The following ATF6 variants were observed in gnomAD, a reference collection of about 807,000 sequenced individuals.
ATF6 encodes the protein cyclic AMP-dependent transcription factor ATF-6 alpha.
A neutral mutation model predicts 83.6 loss-of-function variants in ATF6; 53 were observed. The ratio of observed to expected loss-of-function variants is 0.63; its 90% CI spans 0.51 to 0.80. ATF6 has a LOEUF of 0.80. Ranked by LOEUF, ATF6 falls within the 30% of genes least tolerant of loss-of-function variation. The pLI is 0.00. For missense variants in ATF6, 744 were observed against 797.9 expected (o/e 0.93, Z 0.81); for synonymous variants, 288 against 285.8 (o/e 1.01, Z -0.08).
intron 12 of ATF6, among the ~76,000 whole-genome samples, chr1:161,857,752 T>C (rs962621329): frequency 6.6e-6 from 1 of 152,060 alleles, no homozygotes; most frequent in Non-Finnish European, 1.5e-5. Context: ...GCAATAATAA[T>C]GGCAATTTAT....
chr1:161,925,655 C>T (rs975669659), intron 15 of ATF6, among the ~76,000 whole-genome samples: 2 of 152,126 alleles, frequency 1.3e-5, no homozygotes, highest in African/African-American at 4.8e-5. Flanking sequence ...CTTATTTATT[C>T]AATATTCTTT....
intron 1 of ATF6, among the ~76,000 whole-genome samples, chr1:161,771,485 C>A (rs1207578971): frequency 6.6e-6 from 1 of 152,310 alleles, no homozygotes; most frequent in South Asian, 2.1e-4. Flanking sequence ...GGATAGGTGT[C>A]TCCATTGTCC....
In ATF6 at chr1:161,963,076, A is replaced by C. The variant is rs548572215; in HGVS notation, c.*4422A>C. The C allele has an allele frequency of 6.6e-6, 1 of 152,328 alleles. No homozygotes were observed. The highest frequency in any genetic ancestry group is 2.1e-4 in the South Asian group (1 of 4,824). 9.4% of individuals were successfully genotyped at this position (152,328 alleles called of 1,614,324 possible). ...CCCACAGGGATTGGGATTGATTTTT[A>C]ATTTCCTAGGAAACAATACTAGACT... On this transcript the variant is annotated 3_prime_UTR_variant, in exon 16 of 16. Coordinates refer to ENST00000367942, the MANE Select transcript of ATF6 (RefSeq NM_007348.4).
chr1:161,879,011 T>C (rs1478426481), intron 14 of ATF6, among the ~76,000 whole-genome samples: 1 of 152,094 alleles, frequency 6.6e-6, no homozygotes, highest in East Asian at 1.9e-4. Context: ...AAGAAAGCAA[T>C]GTTAAAAGAG....
intron 14 of ATF6, among the ~76,000 whole-genome samples, chr1:161,866,287 T>TTA (rs1317037277): frequency 6.6e-6 from 1 of 152,194 alleles, no homozygotes; most frequent in Non-Finnish European, 1.5e-5. Context: ...TTTCGTACTG[T>TTA]TATTTAAGCC....
At chr1:161,790,069 A>G (rs1684842353) in intron 4 of ATF6, among the ~76,000 whole-genome samples, 2 of 152,156 alleles carry the variant, frequency 1.3e-5, no homozygotes, top group Non-Finnish European at 2.9e-5. Flanking sequence ...TTTCCTTTTC[A>G]GTGAAATGGC....
intron 10 of ATF6, among the ~76,000 whole-genome samples, chr1:161,850,284 C>T (rs962012258): frequency 2.0e-5 from 3 of 152,080 alleles, no homozygotes; most frequent in Admixed American, 2.0e-4. Flanking sequence ...CCTGTTCCCT[C>T]TCTACCTCCC....
At chr1:161,864,100 A>G (rs1383761449) in intron 14 of ATF6, among the ~76,000 whole-genome samples, 1 of 151,826 alleles carries the variant, frequency 6.6e-6, no homozygotes, top group Non-Finnish European at 1.5e-5. Flanking sequence ...AAACAAGAGA[A>G]GGGACCTCAC....
At chr1:161,845,485 A>G (rs1306503622) in intron 9 of ATF6, among the ~76,000 whole-genome samples, 1 of 152,118 alleles carries the variant, frequency 6.6e-6, no homozygotes, top group African/African-American at 2.4e-5. Flanking sequence ...GTGTTAATTA[A>G]GGCTGGGCGC....
At chr1:161,842,907 G>C (rs1322153543) in intron 9 of ATF6, among the ~76,000 whole-genome samples, 1 of 152,178 alleles carries the variant, frequency 6.6e-6, no homozygotes, top group African/African-American at 2.4e-5. Flanking sequence ...CACAAATATG[G>C]CAGGCTTGCT....
intron 9 of ATF6, among the ~76,000 whole-genome samples, chr1:161,827,338 T>G (rs563005755): frequency 2.1e-4 from 32 of 152,282 alleles, no homozygotes; most frequent in African/African-American, 7.7e-4. Context: ...CTGGAAGATA[T>G]TTATTGAACA....
chr1:161,778,756 T>G (rs1046764960), intron 2 of ATF6, among the ~76,000 whole-genome samples: 6 of 152,236 alleles, frequency 3.9e-5, no homozygotes, highest in African/African-American at 1.4e-4. Flanking sequence ...TAGAAAGCTC[T>G]GAAAAGTAGG....
chr1:161,785,177 C>G (rs537699072), intron 4 of ATF6, among the ~76,000 whole-genome samples: 108 of 152,336 alleles, frequency 7.1e-4, no homozygotes, highest in African/African-American at 2.5e-3. Flanking sequence ...GTTCCAGATG[C>G]TGGCAGTGAA....
chr1:161,812,371 CTTTTTTTTTTTTTTTTTTTTTTTTTT>C lies in ATF6; in HGVS notation c.910-7248_910-7223del, dbSNP rs869240831. 3.2e-4 allele frequency among the ~76,000 whole-genome samples: 11 copies of C among 34,340 alleles called. No individual in the cohort carries two copies. The South Asian group carries it at 3.7e-3, about 12-fold the overall frequency. 22.5% of individuals were successfully genotyped at this position (34,340 alleles called of 152,430 possible). A position where few individuals can be genotyped will look rare whatever the true frequency, so the allele number is the denominator to read the frequency against. On this transcript the variant is annotated intron_variant, in intron 7 of 15. Transcript: ENST00000367942. Reference sequence around the variant, plus strand: ...GAGCTGGAATGGGAGCAGGTATTTTCTTTTTTTTTTTTTTTTTTTTTTTTTTTTTTTTTTTTTTTGAGACGGAGTCT... The same window carrying C: ...GAGCTGGAATGGGAGCAGGTATTTTCTTTTTTTTTTTTTGAGACGGAGTCT...
chr1:161,842,889 A>G (rs1269400914), intron 9 of ATF6, among the ~76,000 whole-genome samples: 1 of 152,248 alleles, frequency 6.6e-6, no homozygotes, highest in Non-Finnish European at 1.5e-5. Context: ...ACACAGTTCA[A>G]AAACAATCAC....
chr1:161,811,835 A>G (rs972647596), intron 7 of ATF6, among the ~76,000 whole-genome samples: 1 of 152,134 alleles, frequency 6.6e-6, no homozygotes, highest in Non-Finnish European at 1.5e-5. Flanking sequence ...GGTAAGTTAC[A>G]TACCTCACAG....
chr1:161,879,851 T>C (rs2101856743), intron 14 of ATF6, among the ~76,000 whole-genome samples: 1 of 152,224 alleles, frequency 6.6e-6, no homozygotes, highest in East Asian at 1.9e-4. Context: ...CTTTCTTCAG[T>C]TCTAGCTGTT....
intron 15 of ATF6, among the ~76,000 whole-genome samples, chr1:161,950,335 T>C (rs143164301): frequency 6.6e-6 from 1 of 152,306 alleles, no homozygotes; most frequent in African/African-American, 2.4e-5. Context: ...GAGAAGAACA[T>C]GTAATTCCCA....
intron 7 of ATF6, among the ~76,000 whole-genome samples, chr1:161,819,118 A>C (rs1365523667): frequency 1.3e-5 from 2 of 152,212 alleles, no homozygotes; most frequent in Non-Finnish European, 2.9e-5. Context: ...GAAGGACTGA[A>C]TATAGTGAAT....
Sources: allele counts gnomAD v4.1 joint callset (sites outside exome capture counted in the v4.1 genomes callset), GRCh38; gene constraint gnomAD v4.1.1; transcripts MANE v1.5; gene names NCBI Gene and HGNC (gene_info 2026-07-23, HGNC 2026-07-21).